SEMA5A: variants seen among roughly 807,000 people sequenced by gnomAD.
The protein encoded by SEMA5A is semaphorin 5A.
A neutral mutation model predicts 135.5 loss-of-function variants in SEMA5A; 55 were observed. The ratio of observed to expected loss-of-function variants is 0.41; its 90% CI spans 0.33 to 0.51. SEMA5A has a LOEUF of 0.51. Ranked by LOEUF, SEMA5A falls within the 20% of genes least tolerant of loss-of-function variation. The pLI is 0.37. For missense variants in SEMA5A, 1,290 were observed against 1,419.9 expected (o/e 0.91, Z 1.47); for synonymous variants, 580 against 546.5 (o/e 1.06, Z -0.85).
intron 5 of SEMA5A, among the ~76,000 whole-genome samples, chr5:9,314,308 G>C (rs1276926194): frequency 6.6e-6 from 1 of 150,656 alleles, no homozygotes; most frequent in Non-Finnish European, 1.5e-5. Flanking sequence ...TTCAACTCTA[G>C]CTGGTCCAAA....
chr5:9,543,251 C>T (rs560800209), intron 1 of SEMA5A, among the ~76,000 whole-genome samples: 33 of 152,242 alleles, frequency 2.2e-4, no homozygotes, highest in Admixed American at 5.9e-4. Flanking sequence ...AATCCATGGA[C>T]GGGGCTTCAG....
intron 5 of SEMA5A, among the ~76,000 whole-genome samples, chr5:9,310,262 A>T (rs1183084411): frequency 6.6e-6 from 1 of 152,142 alleles, no homozygotes; most frequent in Admixed American, 6.6e-5. Context: ...AAAATGAACA[A>T]TATGTCTGGA....
chr5:9,072,596 C>A (rs957388565), intron 16 of SEMA5A, among the ~76,000 whole-genome samples: 3 of 152,150 alleles, frequency 2.0e-5, no homozygotes, highest in Non-Finnish European at 4.4e-5. Flanking sequence ...AACCAAAAGA[C>A]CTCATAATTC....
At chr5:9,210,646 G>A (rs1746296025) in intron 8 of SEMA5A, among the ~76,000 whole-genome samples, 1 of 152,124 alleles carries the variant, frequency 6.6e-6, no homozygotes, top group African/African-American at 2.4e-5. Flanking sequence ...AAAGGAGGAA[G>A]GGTGCAAGCT....
At chr5:9,488,648 C>A (rs377669868) in intron 1 of SEMA5A, among the ~76,000 whole-genome samples, 2 of 152,118 alleles carry the variant, frequency 1.3e-5, no homozygotes. Context: ...TACACTGATG[C>A]GGCCTATGCT....
intron 12 of SEMA5A, among the ~76,000 whole-genome samples, chr5:9,149,133 T>C (rs1337126673): frequency 6.6e-6 from 1 of 152,234 alleles, no homozygotes; most frequent in Admixed American, 6.5e-5. Context: ...CGGATCACAC[T>C]TTTTTCAACA....
intron 5 of SEMA5A, among the ~76,000 whole-genome samples, chr5:9,306,599 T>C (rs4701840): frequency 0.85 from 129,194 of 152,122 alleles, 56,998 homozygotes; most frequent in East Asian, 0.97. Flanking sequence ...TATTTAAAGT[T>C]ACCTTCTGCT....
chr5:9,303,434 C>T (rs1751712685), intron 5 of SEMA5A, among the ~76,000 whole-genome samples: 1 of 152,074 alleles, frequency 6.6e-6, no homozygotes. Context: ...TCAAAGAATG[C>T]CTGAACTTCA....
intron 1 of SEMA5A, among the ~76,000 whole-genome samples, chr5:9,484,394 G>A (rs1759997484): frequency 6.6e-6 from 1 of 152,100 alleles, no homozygotes; most frequent in South Asian, 2.1e-4. Flanking sequence ...TTGTTATTTA[G>A]TGTATCATCA....
intron 11 of SEMA5A, among the ~76,000 whole-genome samples, chr5:9,178,238 G>A (rs991721761): frequency 6.6e-6 from 1 of 151,654 alleles, no homozygotes; most frequent in African/African-American, 2.4e-5. Context: ...AACACTTTCA[G>A]TTATGTTCAA....
chr5:9,476,448 A>T (rs931644420), intron 1 of SEMA5A, among the ~76,000 whole-genome samples: 2 of 152,152 alleles, frequency 1.3e-5, no homozygotes, highest in East Asian at 1.9e-4. Flanking sequence ...ACAGCTTTTC[A>T]TACTGTTAGC....
chr5:9,176,811 G>A lies in SEMA5A; in HGVS notation c.1273+13456C>T, dbSNP rs143650084. ...TCAGAAGTGGCCTAGCCTGTAGCATGTGGCACATTCAGGATAATGGTGATC... is the reference window on the plus strand; with the variant it reads ...TCAGAAGTGGCCTAGCCTGTAGCATATGGCACATTCAGGATAATGGTGATC... On this transcript the variant is annotated intron_variant, in intron 11 of 22. Coordinates refer to ENST00000382496, the MANE Select transcript of SEMA5A (RefSeq NM_003966.3). Among the ~76,000 whole-genome samples, 780 of 152,334 alleles carry A rather than the reference G, an allele frequency of 5.1e-3. 2 individuals carry two copies. Among genetic ancestry groups the A allele is most frequent in the Non-Finnish European group, 8.7e-3 (590 of 68,028 alleles).
chr5:9,531,551 C>T (rs1055946672), intron 1 of SEMA5A, among the ~76,000 whole-genome samples: 1 of 152,152 alleles, frequency 6.6e-6, no homozygotes, highest in African/African-American at 2.4e-5. Context: ...TGTCCCACAC[C>T]CCACTCTTCC....
At chr5:9,534,740 A>G (rs771044513) in intron 1 of SEMA5A, among the ~76,000 whole-genome samples, 2 of 152,220 alleles carry the variant, frequency 1.3e-5, no homozygotes, top group Non-Finnish European at 2.9e-5. Flanking sequence ...TGGCACGGGC[A>G]GCATGGGGCG....
chr5:9,465,259 A>G (rs1387606359), intron 1 of SEMA5A, among the ~76,000 whole-genome samples: 5 of 152,194 alleles, frequency 3.3e-5, no homozygotes, highest in Admixed American at 2.6e-4. Context: ...AGTTTCCGTA[A>G]TTTTCAAGTT....
chr5:9,541,107 C>G (rs1047529037), intron 1 of SEMA5A, among the ~76,000 whole-genome samples: 1 of 152,122 alleles, frequency 6.6e-6, no homozygotes, highest in Non-Finnish European at 1.5e-5. Context: ...GAAAGAGGCT[C>G]GATTTTCTGT....
Position 9,462,635 on chromosome 5 carries a change from C to T in SEMA5A, c.-174-24783G>A, listed in dbSNP as rs183244611. 8.0e-3 allele frequency among the ~76,000 whole-genome samples: 1,221 copies of T among 152,164 alleles called. 10 individuals are homozygous for T. Among genetic ancestry groups the T allele is most frequent in the Admixed American group, 0.013 (203 of 15,272 alleles). On this transcript the variant is annotated intron_variant, in intron 1 of 22. Coordinates refer to ENST00000382496, the MANE Select transcript of SEMA5A (RefSeq NM_003966.3). ...TGTGGTAGATATATAGCATGGAATA[C>T]TATGCAGCCATTAAAAAAATCAAGA... is the stretch of plus-strand genomic sequence containing the variant.
At chr5:9,212,594 T>C (rs1806035) in intron 8 of SEMA5A, among the ~76,000 whole-genome samples, 4,474 of 152,320 alleles carry the variant, frequency 0.029, 236 homozygotes, top group African/African-American at 0.1. Context: ...TTATAAATTT[T>C]TGGACCAGGT....
intron 18 of SEMA5A, among the ~76,000 whole-genome samples, chr5:9,061,026 G>A (rs1737152971): frequency 6.6e-6 from 1 of 151,732 alleles, no homozygotes; most frequent in Non-Finnish European, 1.5e-5. Context: ...TCGAGACCCA[G>A]CTTAAGGGCA....
Sources: gnomAD v4.1 joint callset for allele counts (sites outside exome capture counted in the v4.1 genomes callset) on GRCh38, gnomAD v4.1.1 for gene constraint, MANE v1.5 for transcripts, NCBI Gene and HGNC (gene_info 2026-07-23, HGNC 2026-07-21) for gene names.